MCU: variants seen among roughly 807,000 people sequenced by gnomAD.
MCU encodes the protein calcium uniporter protein, mitochondrial.
Under a neutral mutation model 45.2 loss-of-function variants are expected in MCU, and 12 were observed. The ratio of observed to expected loss-of-function variants is 0.27; its 90% CI spans 0.17 to 0.43. The LOEUF (loss-of-function observed/expected upper bound fraction) is 0.43, where lower values mean the gene tolerates loss of function less well. Among genes scored for constraint, MCU ranks in the 20% least tolerant of loss-of-function variants. The probability of loss-of-function intolerance (pLI) is 1.00; values close to 1 mark genes in which losing one functional copy is unlikely to be tolerated. For synonymous variants in MCU, 160 were observed against 165.1 expected (o/e 0.97, Z 0.24); for missense variants, 324 against 436.7 (o/e 0.74, Z 2.30).
intron 1 of MCU, among the ~76,000 whole-genome samples, chr10:72,753,525 TGAG>T (rs1168078389): frequency 2.6e-5 from 4 of 152,176 alleles, no homozygotes; most frequent in Middle Eastern, 3.2e-3. Context: ...TACAGTTTAT[TGAG>T]AACCTATTAA....
At chr10:72,804,066 AT>A (rs1564561733) in intron 1 of MCU, among the ~76,000 whole-genome samples, 5 of 76,370 alleles carry the variant, frequency 6.5e-5, no homozygotes, top group African/African-American at 2.7e-4. Context: ...ATATATATAT[AT>A]ATATATAAAA....
At chr10:72,799,373 C>G (rs947660583) in intron 1 of MCU, among the ~76,000 whole-genome samples, 1 of 152,172 alleles carries the variant, frequency 6.6e-6, no homozygotes, top group Non-Finnish European at 1.5e-5. Flanking sequence ...GTGTGCCAAG[C>G]ACTATTTTTG....
At chr10:72,702,449 A>G (rs1447615810) in intron 1 of MCU, among the ~76,000 whole-genome samples, 1 of 152,158 alleles carries the variant, frequency 6.6e-6, no homozygotes, top group African/African-American at 2.4e-5. Context: ...TAACCTGGAG[A>G]CATTCAGAAA....
intron 1 of MCU, among the ~76,000 whole-genome samples, chr10:72,713,953 G>C (rs1842925614): frequency 2.1e-5 from 3 of 143,700 alleles, no homozygotes; most frequent in Admixed American, 6.9e-5. Context: ...TCATTTGTGT[G>C]TGTGTGTGTG....
intron 1 of MCU, among the ~76,000 whole-genome samples, chr10:72,796,142 G>A (rs1844242012): frequency 1.3e-5 from 2 of 151,994 alleles, no homozygotes; most frequent in Non-Finnish European, 2.9e-5. Context: ...TTCTCAAAGA[G>A]AAACCTTTAA....
At chr10:72,851,160 C>T (rs1276711954) in intron 2 of MCU, among the ~76,000 whole-genome samples, 1 of 152,144 alleles carries the variant, frequency 6.6e-6, no homozygotes. Context: ...TGTAGAGTTT[C>T]TCAAAAGCTT....
At chr10:72,784,074 C>T (rs556238933) in intron 1 of MCU, among the ~76,000 whole-genome samples, 60 of 152,286 alleles carry the variant, frequency 3.9e-4, no homozygotes, top group Middle Eastern at 3.4e-3. Context: ...AGCCGGGCAC[C>T]GTTGGATGGT....
At chr10:72,785,604 T>C (rs553776414) in intron 1 of MCU, among the ~76,000 whole-genome samples, 2 of 152,302 alleles carry the variant, frequency 1.3e-5, no homozygotes, top group South Asian at 2.1e-4. Context: ...TAGTCCAGAA[T>C]TGCAAGTTTT....
At chr10:72,783,157 C>T (rs1412632278) in intron 1 of MCU, among the ~76,000 whole-genome samples, 1 of 152,204 alleles carries the variant, frequency 6.6e-6, no homozygotes, top group African/African-American at 2.4e-5. Flanking sequence ...GTGTGTGCTC[C>T]ACCTTGGTAG....
At chr10:72,742,744 G>C (rs1843352760) in intron 1 of MCU, among the ~76,000 whole-genome samples, 1 of 152,136 alleles carries the variant, frequency 6.6e-6, no homozygotes, top group Non-Finnish European at 1.5e-5. Context: ...CTGAACTATA[G>C]ATAAATTGCA....
chr10:72,800,208 A>G (rs535187446), intron 1 of MCU, among the ~76,000 whole-genome samples: 2 of 152,330 alleles, frequency 1.3e-5, no homozygotes, highest in South Asian at 4.1e-4. Flanking sequence ...GATGCCAAAC[A>G]ACCACAAATT....
intron 1 of MCU, among the ~76,000 whole-genome samples, chr10:72,788,915 G>C (rs1844117070): frequency 6.6e-6 from 1 of 152,152 alleles, no homozygotes; most frequent in African/African-American, 2.4e-5. Flanking sequence ...CTGAGGAATT[G>C]CTGGATATAT....
At chr10:72,765,386 C>CG (rs781638782) in intron 1 of MCU, among the ~76,000 whole-genome samples, 48 of 152,098 alleles carry the variant, frequency 3.2e-4, no homozygotes, top group Non-Finnish European at 5.7e-4. Flanking sequence ...TATGCTACCT[C>CG]CTTCTATAAA....
At chr10:72,848,341 A>G (rs916975718) in intron 2 of MCU, among the ~76,000 whole-genome samples, 6 of 152,308 alleles carry the variant, frequency 3.9e-5, no homozygotes, top group Non-Finnish European at 7.3e-5. Context: ...AAGATCGAGG[A>G]GTCCATCTAG....
At chr10:72,838,121 A>G (rs187589726) in intron 2 of MCU, among the ~76,000 whole-genome samples, 5 of 152,014 alleles carry the variant, frequency 3.3e-5, no homozygotes, top group Non-Finnish European at 1.5e-5. Flanking sequence ...TCAGCCTACC[A>G]AAGTGTTGGG....
rs1250147842 is a variant in MCU at position 72,886,505 on chromosome 10, C to T, written c.*683C>T. 7.9e-5 allele frequency: 12 copies of T among 152,314 alleles called. No individual in the cohort carries two copies. Among genetic ancestry groups the T allele is most frequent in the Admixed American group, 3.9e-4 (6 of 15,274 alleles). The allele number at this position is 152,314 out of a possible 1,614,324, so 9.4% of individuals were successfully genotyped here. On this transcript the variant is annotated 3_prime_UTR_variant, in exon 8 of 8. Coordinates refer to ENST00000373053, the MANE Select transcript of MCU (RefSeq NM_138357.3). ...GTGCTCTGGATCAGTGTCTAAAAATCACTGGCAACACTGCATGAGGTTGTT... is the reference window on the plus strand; with the variant it reads ...GTGCTCTGGATCAGTGTCTAAAAATTACTGGCAACACTGCATGAGGTTGTT...
chr10:72,859,935 A>G (rs1221246573), intron 3 of MCU: 1 of 152,756 alleles, frequency 6.5e-6, no homozygotes, highest in African/African-American at 2.4e-5. Context: ...TCACCAGTTA[A>G]CAATTACCAC....
intron 1 of MCU, among the ~76,000 whole-genome samples, chr10:72,699,536 A>G (rs934115296): frequency 6.6e-6 from 1 of 151,794 alleles, no homozygotes; most frequent in Non-Finnish European, 1.5e-5. Context: ...AACCTTAGTG[A>G]TTAGAGTTCA....
Position 72,805,178 on chromosome 10 carries a change from T to TTTCCTTCCTTCCTTCCTTCC in MCU, c.151-29174_151-29155dup, listed in dbSNP as rs375373722. On this transcript the variant is annotated intron_variant, in intron 1 of 7. Transcript: ENST00000373053. ...TTCTTTCTGTCTCTCTCTCTCTCTCTTTCCTTCCTTCCTTCCTTCCTTCCT... is the reference window on the plus strand; with the variant it reads ...TTCTTTCTGTCTCTCTCTCTCTCTCTTTCCTTCCTTCCTTCCTTCCTTCCTTCCTTCCTTCCTTCCTTCCT... 1.9e-4 allele frequency among the ~76,000 whole-genome samples: 26 copies of TTTCCTTCCTTCCTTCCTTCC among 140,440 alleles called. 1 individual carries two copies. The highest frequency in any genetic ancestry group is 8.0e-4 in the African/African-American group (26 of 32,328). The allele number at this position is 140,440 out of a possible 152,430, so 92.1% of individuals were successfully genotyped here. A position where few individuals can be genotyped will look rare whatever the true frequency, so the allele number is the denominator to read the frequency against.
Sources: gnomAD v4.1 joint callset for allele counts (sites outside exome capture counted in the v4.1 genomes callset) on GRCh38, gnomAD v4.1.1 for gene constraint, MANE v1.5 for transcripts, NCBI Gene and HGNC (gene_info 2026-07-23, HGNC 2026-07-21) for gene names.